Variants in XRRA1 observed in about 807,000 individuals in gnomAD.
XRRA1 encodes the protein X-ray radiation resistance-associated protein 1.
Under a neutral mutation model 80.2 loss-of-function variants are expected in XRRA1, and 69 were observed. That is an observed-to-expected ratio of 0.86 (90% CI 0.71 to 1.05). XRRA1 has a LOEUF of 1.05. Among genes scored for constraint, XRRA1 ranks in the 50% least tolerant of loss-of-function variants. XRRA1 has a pLI of 0.00. For missense variants in XRRA1, 967 were observed against 976.4 expected, an observed-to-expected ratio of 0.99 and a Z score of 0.13; for synonymous variants, 348 against 389.9, an observed-to-expected ratio of 0.89 and a Z score of 1.27.
intron 5 of XRRA1, among the ~76,000 whole-genome samples, chr11:74,930,747 C>G (rs896817732): frequency 1.3e-5 from 2 of 152,154 alleles, no homozygotes; most frequent in Non-Finnish European, 2.9e-5. Flanking sequence ...CTCACTAATC[C>G]CATAACAGCT....
chr11:74,898,611 C>T (rs577386174), intron 10 of XRRA1, among the ~76,000 whole-genome samples: 1 of 151,984 alleles, frequency 6.6e-6, no homozygotes, highest in African/African-American at 2.4e-5. Flanking sequence ...AATAGCTATA[C>T]TTATATCAGA....
At chr11:74,866,219 G>T (rs145300835) in intron 10 of XRRA1, among the ~76,000 whole-genome samples, 88 of 152,104 alleles carry the variant, frequency 5.8e-4, no homozygotes, top group African/African-American at 2.0e-3. Flanking sequence ...GAATTCAAAA[G>T]AACATTTTTT....
At chr11:74,873,099 G>T (rs1020575045) in intron 10 of XRRA1, among the ~76,000 whole-genome samples, 4 of 152,130 alleles carry the variant, frequency 2.6e-5, no homozygotes, top group Non-Finnish European at 5.9e-5. Flanking sequence ...TAATCCAGAA[G>T]GGTGAGCAAC....
intron 12 of XRRA1, among the ~76,000 whole-genome samples, chr11:74,855,037 G>A: frequency 6.6e-6 from 1 of 151,286 alleles, no homozygotes; most frequent in African/African-American, 2.4e-5. Context: ...GCAACAGAGT[G>A]AGACTCTGTC....
At chr11:74,866,812 G>C (rs2043548101) in intron 10 of XRRA1, among the ~76,000 whole-genome samples, 1 of 151,870 alleles carries the variant, frequency 6.6e-6, no homozygotes, top group African/African-American at 2.4e-5. Flanking sequence ...AAAAAAGGAA[G>C]AAGAATGAAA....
At chr11:74,873,900 C>G (rs1288254063) in intron 10 of XRRA1, among the ~76,000 whole-genome samples, 1 of 151,932 alleles carries the variant, frequency 6.6e-6, no homozygotes, top group Non-Finnish European at 1.5e-5. Flanking sequence ...TCTGCAAACT[C>G]ATCTTGGTAT....
chr11:74,846,588 C>T (rs1460000746), intron 15 of XRRA1, among the ~76,000 whole-genome samples: 1 of 152,068 alleles, frequency 6.6e-6, no homozygotes, highest in Non-Finnish European at 1.5e-5. Flanking sequence ...ATACTATGAC[C>T]AAGTGAGATT....
intron 10 of XRRA1, among the ~76,000 whole-genome samples, chr11:74,894,448 GTAATT>G (rs559474390): frequency 8.3e-4 from 126 of 152,152 alleles, no homozygotes; most frequent in Non-Finnish European, 1.6e-3. Flanking sequence ...CTGAGACTGA[GTAATT>G]TATAAAGAAA....
intron 12 of XRRA1, 22 bp from the exon 13 acceptor site, chr11:74,852,104 C>G: frequency 6.2e-7 from 1 of 1,604,270 alleles, no homozygotes; most frequent in South Asian, 1.1e-5. Context: ...GCAGGAGAGA[C>G]TCTCAGGTTG....
chr11:74,940,388 A>C (rs1364637199), intron 3 of XRRA1, among the ~76,000 whole-genome samples: 1 of 152,232 alleles, frequency 6.6e-6, no homozygotes, highest in Non-Finnish European at 1.5e-5. Context: ...AAGAAGTAGA[A>C]GAAGAGCTGG....
In XRRA1 at chr11:74,945,695, C is replaced by T. The variant is rs189093431; in HGVS notation, c.-72-610G>A. 3.8e-4 allele frequency among the ~76,000 whole-genome samples: 58 copies of T among 152,022 alleles called. No homozygotes were observed. The East Asian group carries it at 8.5e-3, about 22-fold the overall frequency. The stretch of plus-strand genomic sequence containing the variant: ...AAGTTCCAGATTTGGAGGCTGACTT[C>T]CTGGTTAGCTTTAGTTACCTCTGGT... On this transcript the variant is annotated intron_variant, in intron 1 of 18. Coordinates refer to ENST00000684022, the MANE Select transcript of XRRA1 (RefSeq NM_001378157.1).
intron 12 of XRRA1, among the ~76,000 whole-genome samples, chr11:74,857,104 C>T (rs1195817251): frequency 1.3e-5 from 2 of 152,068 alleles, no homozygotes; most frequent in African/African-American, 4.8e-5. Context: ...CAAAAGCAGT[C>T]TACTGCTAGG....
intron 10 of XRRA1, among the ~76,000 whole-genome samples, chr11:74,899,900 A>G (rs1374424728): frequency 1.3e-5 from 2 of 152,190 alleles, no homozygotes; most frequent in African/African-American, 2.4e-5. Flanking sequence ...AACTCATTCT[A>G]TGAGGCCAGC....
intron 11 of XRRA1, among the ~76,000 whole-genome samples, chr11:74,860,883 C>A (rs1363180571): frequency 6.6e-6 from 1 of 152,196 alleles, no homozygotes; most frequent in Admixed American, 6.5e-5. Flanking sequence ...CCCCTTGAGT[C>A]ACACCTGAGT....
chr11:74,908,731 G>T (rs536815601), intron 8 of XRRA1, among the ~76,000 whole-genome samples: 1 of 152,176 alleles, frequency 6.6e-6, no homozygotes, highest in South Asian at 2.1e-4. Context: ...TGTGGGGAAG[G>T]CGCCTATTCG....
At chr11:74,947,032 TG>T (rs1367605587) in intron 1 of XRRA1, among the ~76,000 whole-genome samples, 1 of 151,328 alleles carries the variant, frequency 6.6e-6, no homozygotes, top group Admixed American at 6.6e-5. Flanking sequence ...ATTACAGGCG[TG>T]AGCCTGTACT....
chr11:74,936,832 C>T lies in XRRA1; in HGVS notation c.279+52G>A, dbSNP rs1945108992. 3.9e-6 allele frequency: 6 copies of T among 1,551,500 alleles called. No individual in the cohort carries two copies. In the South Asian group the frequency reaches 6.1e-5, roughly 16 times the overall value. On this transcript the variant is annotated intron_variant, in intron 4 of 18. Transcript: ENST00000684022. ...GAGCAGGGCAAATCCTTCCCCACTT[C>T]CTCCCCACCCTAGCTGATGTGCTGG...
intron 7 of XRRA1, among the ~76,000 whole-genome samples, chr11:74,924,457 G>C (rs1052123305): frequency 6.7e-6 from 1 of 148,620 alleles, no homozygotes; most frequent in African/African-American, 2.5e-5. Context: ...CTGGGCGACA[G>C]AGCGAAACTC....
In XRRA1 at chr11:74,863,261, C is replaced by T. The variant is rs184004712; in HGVS notation, c.1004-240G>A. 2,354 of 533,038 alleles carry T rather than the reference C, an allele frequency of 4.4e-3. 9 individuals carry two copies. Among genetic ancestry groups the T allele is most frequent in the Non-Finnish European group, 6.7e-3 (1,994 of 296,414 alleles). The allele number at this position is 533,038 out of a possible 1,614,324, so 33.0% of individuals were successfully genotyped here. On this transcript the variant is annotated intron_variant, in intron 10 of 18. Coordinates refer to ENST00000684022, the MANE Select transcript of XRRA1 (RefSeq NM_001378157.1). ...GCTTATCTAGTCCTCTGATGTCCTG[C>T]ATGATTGGGCCCCTGCCTACTTCTT...
Sources: gnomAD v4.1 joint callset for allele counts (sites outside exome capture counted in the v4.1 genomes callset) on GRCh38, gnomAD v4.1.1 for gene constraint, MANE v1.5 for transcripts, NCBI Gene and HGNC (gene_info 2026-07-23, HGNC 2026-07-21) for gene names.